FRMPD1: variants seen among roughly 807,000 people sequenced by gnomAD.
The protein encoded by FRMPD1 is FERM and PDZ domain-containing protein 1.
Under a neutral mutation model 117.8 loss-of-function variants are expected in FRMPD1, and 76 were observed. The observed-to-expected ratio is 0.65, with a 90% confidence interval of 0.54 to 0.78. FRMPD1 has a LOEUF of 0.78. Ranked by LOEUF, FRMPD1 falls within the 30% of genes least tolerant of loss-of-function variation. FRMPD1 has a pLI of 0.00. For synonymous variants in FRMPD1, 783 were observed against 770.4 expected (o/e 1.02, Z -0.27); for missense variants, 1,786 against 1,964.5 (o/e 0.91, Z 1.72).
At chr9:37,672,410 A>G (rs1821383763) in intron 1 of FRMPD1, among the ~76,000 whole-genome samples, 1 of 152,188 alleles carries the variant, frequency 6.6e-6, no homozygotes, top group Admixed American at 6.5e-5. Flanking sequence ...TGGGGCCTGC[A>G]CAGGTAGGTC....
At chr9:37,718,674 G>T (rs1257047436) in intron 5 of FRMPD1, among the ~76,000 whole-genome samples, 4 of 152,208 alleles carry the variant, frequency 2.6e-5, no homozygotes, top group Non-Finnish European at 5.9e-5. Flanking sequence ...CTGGACCAAA[G>T]TCACACAGTT....
intron 15 of FRMPD1, among the ~76,000 whole-genome samples, chr9:37,742,085 AACTGTGTGTTTC>A (rs1289619111): frequency 1.3e-5 from 2 of 152,168 alleles, no homozygotes; most frequent in African/African-American, 4.8e-5. Flanking sequence ...TGAGCGTTAG[AACTGTGTGTTTC>A]TCACTGTGTC....
the FRMPD1 span, among the ~76,000 whole-genome samples, chr9:37,633,381 T>C: frequency 0.88 from 134,576 of 152,298 alleles, 61,816 homozygotes; most frequent in East Asian, 1. Context: ...TAAATTTCTT[T>C]CTAGAAATGT....
At chr9:37,737,051 T>A (rs1378647800) in intron 13 of FRMPD1, 45 bp from the exon 14 acceptor site, 1 of 1,520,604 alleles carries the variant, frequency 6.6e-7, no homozygotes, top group Non-Finnish European at 9.1e-7. Context: ...CTTCAGACTG[T>A]CCCTTGGTCC....
Position 37,740,369 on chromosome 9 carries a change from A to T in FRMPD1, c.1841A>T (p.Glu614Val). 1 of 1,613,778 alleles carries T rather than the reference A, an allele frequency of 6.2e-7. No individual in the cohort carries two copies. Among genetic ancestry groups the T allele is most frequent in the Non-Finnish European group, 8.5e-7 (1 of 1,180,002 alleles). ...GSSESMDALEEDDLDTCSSSR... is the reference protein window; with the variant it reads ...GSSESMDALEVDDLDTCSSSR... Reference sequence around the variant, plus strand: ...AGTGAGTCCATGGACGCTCTGGAAGAGGATGACTTAGACACCTGCTCCTCC... The same window carrying T: ...AGTGAGTCCATGGACGCTCTGGAAGTGGATGACTTAGACACCTGCTCCTCC... The change falls in exon 15 of 16, where the codon GAG (glutamate) becomes GTG (valine). Residue 614 changes from glutamate (E) to valine (V), a missense_variant. Coordinates refer to ENST00000377765, the MANE Select transcript of FRMPD1 (RefSeq NM_014907.3). The surrounding 1 kb of genome is among the most constrained non-coding windows in gnomAD (Gnocchi z 4.2).
chr9:37,638,000 C>CT, the FRMPD1 span, among the ~76,000 whole-genome samples: 1 of 125,966 alleles, frequency 7.9e-6, no homozygotes, highest in Non-Finnish European at 1.7e-5. Flanking sequence ...TTCTTTCTTT[C>CT]TTTCTTTCTT....
chr9:37,687,909 G>C (rs1822003229), intron 1 of FRMPD1, among the ~76,000 whole-genome samples: 1 of 152,038 alleles, frequency 6.6e-6, no homozygotes, highest in Non-Finnish European at 1.5e-5. Flanking sequence ...ACATTTGCAG[G>C]TTAAAAAATA....
intron 1 of FRMPD1, among the ~76,000 whole-genome samples, chr9:37,675,627 G>T (rs936171891): frequency 6.6e-6 from 1 of 152,158 alleles, no homozygotes; most frequent in African/African-American, 2.4e-5. Flanking sequence ...GTTTAATGGT[G>T]CTCATGATGT....
rs564813975 is a variant in FRMPD1 at position 37,728,538 on chromosome 9, CAAG to C, written c.613-1185_613-1183del. ...CCTCACAGAGGGCTGCTCTAGTGAG[CAAG>C]AAGAGTGTGGCGTGGCAACCAGGAT... On this transcript the variant is annotated intron_variant, in intron 7 of 15. Coordinates refer to ENST00000377765, the MANE Select transcript of FRMPD1 (RefSeq NM_014907.3). 3.0e-4 allele frequency among the ~76,000 whole-genome samples: 45 copies of C among 152,310 alleles called. No individual in the cohort carries two copies. In the South Asian group the frequency reaches 5.0e-3, roughly 17 times the overall value.
At chr9:37,721,636 A>T (rs1029404415) in intron 6 of FRMPD1, among the ~76,000 whole-genome samples, 1 of 152,196 alleles carries the variant, frequency 6.6e-6, no homozygotes, top group African/African-American at 2.4e-5. Context: ...TGACCCAGAG[A>T]TTGCATTCCT....
chr9:37,736,856 AGAGTGT>A (rs981951016), intron 13 of FRMPD1, among the ~76,000 whole-genome samples: 1 of 142,508 alleles, frequency 7.0e-6, no homozygotes, highest in African/African-American at 2.6e-5. Flanking sequence ...TGAGTGCGTG[AGAGTGT>A]GTGTGTGTGT....
At position 37,741,450 on chromosome 9, in the gene FRMPD1, G is replaced by GACACACACACACAC. The variant is rs56971939; in HGVS notation, c.2356+595_2356+608dup. 1.0e-3 allele frequency among the ~76,000 whole-genome samples: 142 copies of GACACACACACACAC among 135,736 alleles called. 2 individuals carry two copies. The highest frequency in any genetic ancestry group is 3.6e-3 in the African/African-American group (131 of 36,004). The allele number at this position is 135,736 out of a possible 152,430, so 89.0% of individuals were successfully genotyped here. A position where few individuals can be genotyped will look rare whatever the true frequency, so the allele number is the denominator to read the frequency against. On this transcript the variant is annotated intron_variant, in intron 15 of 15. Transcript: ENST00000377765. ...CCAAGCAGAACTGAGATCCTGGCAG[G>GACACACACACACAC]ACACACACACACACACACACACACA...
chr9:37,655,496 C>CTTTTTTTTTT (rs10615941), intron 1 of FRMPD1, among the ~76,000 whole-genome samples: 2 of 88,600 alleles, frequency 2.3e-5, no homozygotes, highest in Non-Finnish European at 4.1e-5. Flanking sequence ...TGTCCCCACT[C>CTTTTTTTTTT]TTTTTTTTTT....
chr9:37,690,008 G>C (rs183476386), intron 1 of FRMPD1, among the ~76,000 whole-genome samples: 54 of 151,856 alleles, frequency 3.6e-4, no homozygotes, highest in African/African-American at 1.3e-3. Flanking sequence ...CATTCACTAG[G>C]GTGGGCAATT....
chr9:37,743,964 G>A (rs12554087), intron 15 of FRMPD1, among the ~76,000 whole-genome samples: 19,561 of 151,576 alleles, frequency 0.13, 1,521 homozygotes, highest in East Asian at 0.32. Context: ...CTAGGTAGGC[G>A]GATCATTTGA....
At chr9:37,670,684 A>T (rs1379583609) in intron 1 of FRMPD1, among the ~76,000 whole-genome samples, 1 of 152,212 alleles carries the variant, frequency 6.6e-6, no homozygotes, top group African/African-American at 2.4e-5. Flanking sequence ...GGAGTCATTG[A>T]AGGGTTTTGA....
chr9:37,700,693 T>A (rs1822499045), intron 2 of FRMPD1, among the ~76,000 whole-genome samples: 3 of 152,216 alleles, frequency 2.0e-5, no homozygotes, highest in East Asian at 3.8e-4. Flanking sequence ...AAAAGTAGAA[T>A]TCATCTATGT....
rs1317942204 is a variant in FRMPD1, at chr9:37,746,638, G to C, written c.4606G>C (p.Glu1536Gln). Residue 1536 changes from glutamate (E) to glutamine (Q), a missense_variant, in exon 16 of 16, where the codon GAG becomes CAG. By Grantham distance (29) the Glu-to-Gln change is conservative. Transcript: ENST00000377765. ...GGTGTACACCTACCATCAGTTTATA[G>C]AGGCTGCTAAATCGACCTGCGAGAG... The part of the protein sequence containing the change: ...DVVYTYHQFI[E>Q]AAKSTCERGY... 6.2e-7 allele frequency: 1 copy of C among 1,614,074 alleles called. No individual in the cohort carries two copies. The highest frequency in any genetic ancestry group is 1.7e-5 in the Admixed American group (1 of 60,034).
At chr9:37,711,192 T>C (rs1416086945) in intron 4 of FRMPD1, among the ~76,000 whole-genome samples, 158 bp from the exon 5 acceptor site, 1 of 152,092 alleles carries the variant, frequency 6.6e-6, no homozygotes, top group Admixed American at 6.6e-5. Flanking sequence ...TCTTTCTCAG[T>C]TTTGCTGAGC....
Sources: allele counts gnomAD v4.1 joint callset (sites outside exome capture counted in the v4.1 genomes callset), GRCh38; gene constraint gnomAD v4.1.1; non-coding constraint Gnocchi (gnomAD v3.1); transcripts MANE v1.5; gene names NCBI Gene and HGNC (gene_info 2026-07-23, HGNC 2026-07-21).